Variants in GLIS3 observed in about 807,000 individuals in gnomAD.
The protein encoded by GLIS3 is GLIS family zinc finger 3.
A neutral mutation model predicts 78.6 loss-of-function variants in GLIS3; 53 were observed. That is an observed-to-expected ratio of 0.67 (90% confidence interval 0.54 to 0.85). GLIS3 has a LOEUF of 0.85. Among genes scored for constraint, GLIS3 ranks in the 40% least tolerant of loss-of-function variants. The pLI is 0.00. For missense variants in GLIS3, 1,703 were observed against 1,231.1 expected (o/e 1.38, Z -5.74); for synonymous variants, 684 against 509.9 (o/e 1.34, Z -4.60).
At chr9:4,423,146 T>A in the GLIS3 span, among the ~76,000 whole-genome samples, 1 of 151,994 alleles carries the variant, frequency 6.6e-6, no homozygotes, top group Non-Finnish European at 1.5e-5. Context: ...TCCGATCATT[T>A]CCCAGCCCAG....
chr9:4,188,873 T>C (rs1350092852), intron 2 of GLIS3, among the ~76,000 whole-genome samples: 2 of 152,220 alleles, frequency 1.3e-5, no homozygotes, highest in Non-Finnish European at 2.9e-5. Context: ...TGCATCTATT[T>C]CACTCTTCTC....
At chr9:4,136,666 A>G (rs562092266) in intron 2 of GLIS3, among the ~76,000 whole-genome samples, 1 of 152,284 alleles carries the variant, frequency 6.6e-6, no homozygotes, top group Admixed American at 6.5e-5. Context: ...ACAAATGAGA[A>G]GGAAGTAGTA....
chr9:3,998,619 C>T (rs1035421524), intron 4 of GLIS3, among the ~76,000 whole-genome samples: 1 of 151,516 alleles, frequency 6.6e-6, no homozygotes, highest in Non-Finnish European at 1.5e-5. Flanking sequence ...GAGCACTATG[C>T]TTAAAAATAG....
At chr9:4,366,285 G>T in the GLIS3 span, among the ~76,000 whole-genome samples, 9 of 151,784 alleles carry the variant, frequency 5.9e-5, no homozygotes, top group East Asian at 5.8e-4. Context: ...AATCATTGTC[G>T]TCAAATAATT....
intron 2 of GLIS3, among the ~76,000 whole-genome samples, chr9:4,167,234 GAAGT>G (rs976984207): frequency 2.0e-5 from 3 of 151,758 alleles, no homozygotes; most frequent in African/African-American, 7.2e-5. Context: ...AGATTCCATA[GAAGT>G]ATGTATTTCG....
chr9:4,415,477 C>T, the GLIS3 span, among the ~76,000 whole-genome samples: 2 of 152,222 alleles, frequency 1.3e-5, no homozygotes, highest in Non-Finnish European at 1.5e-5. Flanking sequence ...AGTCACCAGA[C>T]ACTACAGAGG....
chr9:4,401,254 C>T, the GLIS3 span, among the ~76,000 whole-genome samples: 2,503 of 152,112 alleles, frequency 0.016, 77 homozygotes, highest in African/African-American at 0.057. Context: ...GGGTTTATTT[C>T]TGTTTGTTTG....
chr9:4,058,618 C>G (rs1330923046), intron 4 of GLIS3, among the ~76,000 whole-genome samples: 1 of 152,178 alleles, frequency 6.6e-6, no homozygotes, highest in Non-Finnish European at 1.5e-5. Flanking sequence ...ACTATTTCCT[C>G]TCTTGGCCAA....
At chr9:3,909,637 G>A (rs1390523784) in intron 6 of GLIS3, among the ~76,000 whole-genome samples, 1 of 152,138 alleles carries the variant, frequency 6.6e-6, no homozygotes, top group Non-Finnish European at 1.5e-5. Context: ...ACACATGCTG[G>A]GGTATAGCTC....
chr9:4,030,208 C>A (rs1823712021), intron 4 of GLIS3, among the ~76,000 whole-genome samples: 2 of 152,282 alleles, frequency 1.3e-5, no homozygotes, highest in African/African-American at 4.8e-5. Context: ...TGATGTTGAG[C>A]ACCTTTTCAT....
chr9:4,190,145 C>T (rs9775513), intron 2 of GLIS3, among the ~76,000 whole-genome samples: 65,924 of 152,064 alleles, frequency 0.43, 14,551 homozygotes, highest in African/African-American at 0.49. Flanking sequence ...TCCAAAGGAA[C>T]GCAGCTCCTC....
At chr9:4,121,438 T>G (rs558762572) in intron 3 of GLIS3, among the ~76,000 whole-genome samples, 58 of 152,314 alleles carry the variant, frequency 3.8e-4, no homozygotes, top group Admixed American at 1.2e-3. Context: ...CAAAAAACTG[T>G]TGATTAGGAA....
chr9:4,240,293 G>A (rs1202386283), intron 2 of GLIS3, among the ~76,000 whole-genome samples: 1 of 152,052 alleles, frequency 6.6e-6, no homozygotes, highest in African/African-American at 2.4e-5. Context: ...ATCCTCACAT[G>A]GGCAGTTCAC....
the GLIS3 span, among the ~76,000 whole-genome samples, chr9:4,388,778 A>C: frequency 6.6e-6 from 1 of 152,234 alleles, no homozygotes; most frequent in Non-Finnish European, 1.5e-5. Flanking sequence ...TTGAAGTCCC[A>C]GAAGAAAGAG....
Position 4,286,620 on chromosome 9 carries a change from G to C in GLIS3, c.-98-97C>G, listed in dbSNP as rs2130347996. ...TGTGTATCATTCATAAGGAAGAAAA[G>C]CAGCACTCTTAGCAAGATGGCCTTT... is the stretch of plus-strand genomic sequence containing the variant. On this transcript the variant is annotated intron_variant, in intron 1 of 10. Coordinates refer to ENST00000381971, the MANE Select transcript of GLIS3 (RefSeq NM_001042413.2). The C allele has an allele frequency of 1.2e-5, 8 of 672,490 alleles. No homozygotes were observed. In the South Asian group the frequency reaches 1.4e-4, roughly 12 times the overall value. The allele number at this position is 672,490 out of a possible 1,614,324, so 41.7% of individuals were successfully genotyped here. A position where few individuals can be genotyped will look rare whatever the true frequency, so the allele number is the denominator to read the frequency against.
chr9:4,253,541 G>GTGAA lies in GLIS3; in HGVS notation c.388+32496_388+32497insTTCA, dbSNP rs1824603716. ...GAAGCCAGTGGATCTTGGCTTGCTGGGCTCTGTGCGGGTGGGATCCGCTGA... is the reference window on the plus strand; with the variant it reads ...GAAGCCAGTGGATCTTGGCTTGCTGGTGAAGCTCTGTGCGGGTGGGATCCGCTGA... On this transcript the variant is annotated intron_variant, in intron 2 of 10. Transcript: ENST00000381971. Among the ~76,000 whole-genome samples, 4 of 152,208 alleles carry GTGAA rather than the reference G, an allele frequency of 2.6e-5. 1 individual carries two copies. The highest frequency in any genetic ancestry group is 2.6e-4 in the Admixed American group (4 of 15,286).
intron 8 of GLIS3, among the ~76,000 whole-genome samples, chr9:3,859,284 A>G (rs1009633835): frequency 6.6e-6 from 1 of 151,926 alleles, no homozygotes; most frequent in African/African-American, 2.4e-5. Flanking sequence ...TGTTGGAGGC[A>G]GGATGGGGAA....
the GLIS3 span, among the ~76,000 whole-genome samples, chr9:4,377,186 A>T: frequency 7.4e-6 from 1 of 135,086 alleles, no homozygotes; most frequent in African/African-American, 2.6e-5. Context: ...CATTTGAGTC[A>T]GAGGACTGGT....
chr9:4,397,869 T>A, the GLIS3 span, among the ~76,000 whole-genome samples: 1 of 151,684 alleles, frequency 6.6e-6, no homozygotes, highest in Non-Finnish European at 1.5e-5. Flanking sequence ...TGAAGAAAAA[T>A]GAGCATACTG....
Sources: gnomAD v4.1 joint callset for allele counts (sites outside exome capture counted in the v4.1 genomes callset) on GRCh38, gnomAD v4.1.1 for gene constraint, MANE v1.5 for transcripts, NCBI Gene and HGNC (gene_info 2026-07-23, HGNC 2026-07-21) for gene names.